The following ZMYM4 variants were observed in gnomAD, a reference collection of about 807,000 sequenced individuals.
The protein encoded by ZMYM4 is zinc finger MYM-type protein 4.
Under a neutral mutation model 183.2 loss-of-function variants are expected in ZMYM4, and 31 were observed. The observed-to-expected ratio is 0.17, with a 90% CI of 0.13 to 0.23. The LOEUF is 0.23. Ranked by LOEUF, ZMYM4 falls within the 10% of genes least tolerant of loss-of-function variation. The pLI is 1.00. For synonymous variants in ZMYM4, 592 were observed against 631.2 expected (o/e 0.94, Z 0.93); for missense variants, 1,273 against 1,840.3 (o/e 0.69, Z 5.64).
intron 28 of ZMYM4, among the ~76,000 whole-genome samples, chr1:35,416,017 A>T (rs1243788073): frequency 6.6e-6 from 1 of 152,244 alleles, no homozygotes; most frequent in Non-Finnish European, 1.5e-5. Context: ...GTTGAGAATC[A>T]CTAATTTACT....
At chr1:35,343,529 A>G (rs1212488272) in intron 2 of ZMYM4, among the ~76,000 whole-genome samples, 4 of 151,996 alleles carry the variant, frequency 2.6e-5, no homozygotes, top group Non-Finnish European at 5.9e-5. Flanking sequence ...GTTTATCCTT[A>G]GGCCAATATC....
chr1:35,385,690 T>C, intron 10 of ZMYM4, 98 bp downstream of exon 10: 2 of 1,332,086 alleles, frequency 1.5e-6, no homozygotes, highest in Non-Finnish European at 2.0e-6. Context: ...TTAAGGCACA[T>C]TTAACATATT....
At chr1:35,364,599 G>A (rs962642318) in intron 5 of ZMYM4, among the ~76,000 whole-genome samples, 1 of 151,940 alleles carries the variant, frequency 6.6e-6, no homozygotes, top group African/African-American at 2.4e-5. Context: ...TATATTATTA[G>A]TCTCAAAAAA....
At chr1:35,343,917 C>T (rs767879517) in intron 2 of ZMYM4, among the ~76,000 whole-genome samples, 1 of 151,594 alleles carries the variant, frequency 6.6e-6, no homozygotes, top group Non-Finnish European at 1.5e-5. Context: ...TGTAGTTACA[C>T]ATACATTTTA....
intron 21 of ZMYM4, 74 bp from the exon 22 acceptor site, chr1:35,398,790 T>G: frequency 6.6e-7 from 1 of 1,515,878 alleles, no homozygotes; most frequent in South Asian, 1.2e-5. Flanking sequence ...ATTTAGGGGT[T>G]CAGGAAGTTT....
At chr1:35,375,626 A>G (rs1459079459) in intron 7 of ZMYM4, among the ~76,000 whole-genome samples, 1 of 152,266 alleles carries the variant, frequency 6.6e-6, no homozygotes, top group Non-Finnish European at 1.5e-5. Context: ...CTTAGGTTAG[A>G]AGAAGCTCAT....
At chr1:35,334,551 A>ATATT (rs1290605965) in intron 2 of ZMYM4, among the ~76,000 whole-genome samples, 1 of 152,146 alleles carries the variant, frequency 6.6e-6, no homozygotes, top group Non-Finnish European at 1.5e-5. Flanking sequence ...CTAGTAATAA[A>ATATT]TATTTGTTGA....
chr1:35,375,237 A>G (rs1184255725), intron 7 of ZMYM4, among the ~76,000 whole-genome samples: 2 of 151,596 alleles, frequency 1.3e-5, no homozygotes, highest in Non-Finnish European at 2.9e-5. Context: ...CTTATATTCC[A>G]TTTTACTTTC....
chr1:35,372,770 A>G (rs1228425677), intron 7 of ZMYM4, among the ~76,000 whole-genome samples: 1 of 152,220 alleles, frequency 6.6e-6, no homozygotes, highest in Non-Finnish European at 1.5e-5. Flanking sequence ...TCCAATGAGC[A>G]TTTCCTTTAA....
chr1:35,370,390 G>T lies in ZMYM4; in HGVS notation c.944G>T (p.Gly315Val), dbSNP rs745763874. ...GSPLAPQLTTGFQPSLASSGM... is the reference protein window; with the variant it reads ...GSPLAPQLTTVFQPSLASSGM... ...TTTAAAGCTCCACAGTTGACTACTG[G>T]CTTTCAGCCCTCACTGGCGTCATCT... The change falls in exon 7 of 30, where the codon GGC becomes GTC. Residue 315 changes from glycine to valine, a missense_variant. Physicochemically the swap from Gly to Val is moderately radical, Grantham distance 109 (BLOSUM62 -3). This residue lies in a region of ZMYM4 where 384 missense variants were observed against 465.6 expected (regional missense o/e 0.82). Transcript: ENST00000314607. 1 of 1,463,120 alleles carries T rather than the reference G, an allele frequency of 6.8e-7. No homozygotes were observed. Among genetic ancestry groups the T allele is most frequent in the South Asian group, 1.2e-5 (1 of 82,474 alleles). The allele number at this position is 1,463,120 out of a possible 1,614,324, so 90.6% of individuals were successfully genotyped here.
chr1:35,370,412 A>C lies in ZMYM4; in HGVS notation c.966A>C (p.Ser322=). 6.3e-7 allele frequency: 1 copy of C among 1,576,604 alleles called. No homozygotes were observed. Among genetic ancestry groups the C allele is most frequent in the Non-Finnish European group, 8.5e-7 (1 of 1,172,540 alleles). The part of the protein sequence containing the change: ...LTTGFQPSLA[S]SGMNKMLPSV... ...CTGGCTTTCAGCCCTCACTGGCGTC[A>C]TCTGGCATGAATAAAATGCTTCCTT... Residue 322 remains serine, a synonymous_variant, in exon 7 of 30, where the codon TCA becomes TCC. Coordinates refer to ENST00000314607, the MANE Select transcript of ZMYM4 (RefSeq NM_005095.3).
At chr1:35,360,163 A>ACATG (rs1293377374) in intron 3 of ZMYM4, among the ~76,000 whole-genome samples, 1 of 152,074 alleles carries the variant, frequency 6.6e-6, no homozygotes, top group African/African-American at 2.4e-5. Context: ...TCATCATTCT[A>ACATG]ACTGCTCTAC....
chr1:35,321,364 G>A (rs1023635965), intron 1 of ZMYM4, among the ~76,000 whole-genome samples: 1 of 152,120 alleles, frequency 6.6e-6, no homozygotes, highest in Non-Finnish European at 1.5e-5. Flanking sequence ...GACTGGAAAA[G>A]CTTAAGCACT....
At chr1:35,360,167 G>A (rs1167911322) in intron 3 of ZMYM4, among the ~76,000 whole-genome samples, 1 of 151,896 alleles carries the variant, frequency 6.6e-6, no homozygotes, top group African/African-American at 2.4e-5. Context: ...CATTCTAACT[G>A]CTCTACATCA....
At chr1:35,282,980 G>GGT in intron 1 of ZMYM4, among the ~76,000 whole-genome samples, 1 of 26,260 alleles carries the variant, frequency 3.8e-5, no homozygotes, top group Admixed American at 3.8e-4. Context: ...TGTGTGTGTG[G>GGT]TTTTTTTTTT....
At chr1:35,310,052 T>G (rs185244868) in intron 1 of ZMYM4, among the ~76,000 whole-genome samples, 191 of 151,628 alleles carry the variant, frequency 1.3e-3, no homozygotes, top group African/African-American at 4.5e-3. Context: ...GCCTCAGGCC[T>G]CCTCAGTAGC....
At chr1:35,407,301 T>C (rs920469894) in intron 25 of ZMYM4, among the ~76,000 whole-genome samples, 1 of 151,844 alleles carries the variant, frequency 6.6e-6, no homozygotes, top group Admixed American at 6.6e-5. Context: ...GGCATGGTGG[T>C]GCACGGCTGA....
intron 2 of ZMYM4, among the ~76,000 whole-genome samples, chr1:35,355,390 C>T (rs1262772984): frequency 1.3e-5 from 2 of 151,908 alleles, no homozygotes; most frequent in African/African-American, 2.4e-5. Flanking sequence ...TACCAACCTG[C>T]TGTGTGAACG....
chr1:35,359,482 T>C (rs370429983), intron 3 of ZMYM4, 36 bp downstream of exon 3: 1 of 1,501,022 alleles, frequency 6.7e-7, no homozygotes, highest in East Asian at 2.3e-5. Context: ...TAAAACACAA[T>C]TAAAAATTAC....
Sources: gnomAD v4.1 joint callset for allele counts (sites outside exome capture counted in the v4.1 genomes callset) on GRCh38, gnomAD v4.1.1 for gene constraint, gnomAD v4.1.1 regional missense constraint, MANE v1.5 for transcripts, NCBI Gene and HGNC (gene_info 2026-07-23, HGNC 2026-07-21) for gene names.